The following MEIKIN variants were observed in gnomAD, a reference collection of about 807,000 sequenced individuals.
The protein encoded by MEIKIN is meiotic kinetochore factor.
At chr5:131,876,229 G>A (rs951012440) in intron 9 of MEIKIN, among the ~76,000 whole-genome samples, 1 of 151,700 alleles carries the variant, frequency 6.6e-6, no homozygotes, top group Non-Finnish European at 1.5e-5. Context: ...TGGAAGAAAA[G>A]TTTTGCAATC....
At chr5:131,881,721 C>T (rs952563351) in intron 8 of MEIKIN, among the ~76,000 whole-genome samples, 1 of 152,006 alleles carries the variant, frequency 6.6e-6, no homozygotes. Flanking sequence ...TGTATTCATC[C>T]ATGTATCTAC....
intron 8 of MEIKIN, among the ~76,000 whole-genome samples, chr5:131,884,030 C>A (rs921134297): frequency 2.0e-5 from 3 of 152,116 alleles, no homozygotes; most frequent in Middle Eastern, 3.2e-3. Flanking sequence ...TTCCAGCAAG[C>A]CTTGCCACTA....
chr5:131,890,575 T>A (rs1750892857), intron 8 of MEIKIN, among the ~76,000 whole-genome samples: 1 of 152,230 alleles, frequency 6.6e-6, no homozygotes, highest in Non-Finnish European at 1.5e-5. Flanking sequence ...TCCTTTGTCA[T>A]TTTTTATTGC....
chr5:131,874,078 A>G (rs1207893144), intron 9 of MEIKIN, among the ~76,000 whole-genome samples: 1 of 152,238 alleles, frequency 6.6e-6, no homozygotes, highest in African/African-American at 2.4e-5. Context: ...CATCACAATT[A>G]AAATAACTAG....
intron 9 of MEIKIN, among the ~76,000 whole-genome samples, chr5:131,878,475 G>A (rs1750651624): frequency 6.6e-6 from 1 of 152,104 alleles, no homozygotes; most frequent in East Asian, 1.9e-4. Flanking sequence ...GCTGAGGCAG[G>A]AGAATGGCAT....
chr5:131,849,940 A>G (rs1270708542), intron 11 of MEIKIN, among the ~76,000 whole-genome samples: 2 of 152,132 alleles, frequency 1.3e-5, no homozygotes, highest in Non-Finnish European at 2.9e-5. Context: ...GATTGAATTA[A>G]AAATTATTAG....
chr5:131,885,341 AAGAGAGAGAGAGAGAGAG>A lies in MEIKIN; in HGVS notation c.704-6311_704-6294del, dbSNP rs57363906. ...CCAGCTGCAGGCCACTCAGAACTGA[AAGAGAGAGAGAGAGAGAG>A]AGAGAGAGAGAGAGAGAGAGAGAGA... On this transcript the variant is annotated intron_variant, in intron 8 of 12. Coordinates refer to ENST00000442687, the MANE Select transcript of MEIKIN (RefSeq NM_001303622.2). Among the ~76,000 whole-genome samples the A allele has an allele frequency of 2.3e-4, 14 of 61,954 alleles. No individual in the cohort carries two copies. The South Asian group carries it at 2.7e-3, about 12-fold the overall frequency. The allele number at this position is 61,954 out of a possible 152,430, so 40.6% of individuals were successfully genotyped here.
chr5:131,881,757 T>G (rs1750705986), intron 8 of MEIKIN, among the ~76,000 whole-genome samples: 1 of 152,200 alleles, frequency 6.6e-6, no homozygotes, highest in African/African-American at 2.4e-5. Flanking sequence ...ACAAAATATT[T>G]CCAGCACCTG....
At chr5:131,849,171 T>C (rs188488474) in intron 11 of MEIKIN, among the ~76,000 whole-genome samples, 4 of 152,222 alleles carry the variant, frequency 2.6e-5, no homozygotes, top group Admixed American at 2.0e-4. Context: ...GACTGGATCA[T>C]GGGAGTGGTA....
At chr5:131,831,379 T>A (rs1156849722) in intron 11 of MEIKIN, among the ~76,000 whole-genome samples, 1 of 152,166 alleles carries the variant, frequency 6.6e-6, no homozygotes, top group African/African-American at 2.4e-5. Context: ...GTAAGACTGC[T>A]GTCTCAACAA....
At chr5:131,904,305 C>T in intron 8 of MEIKIN, among the ~76,000 whole-genome samples, 1 of 152,200 alleles carries the variant, frequency 6.6e-6, no homozygotes, top group East Asian at 1.9e-4. Context: ...TAACACAACA[C>T]TTGACCAAAT....
At chr5:131,878,957 T>C (rs1750658623) in intron 9 of MEIKIN, 21 bp downstream of exon 9, 1 of 398,460 alleles carries the variant, frequency 2.5e-6, no homozygotes, top group Non-Finnish European at 4.4e-6. Flanking sequence ...ATTTATGTAG[T>C]TATTCTGCTT....
At chr5:131,916,158 A>G (rs541503518) in intron 7 of MEIKIN, among the ~76,000 whole-genome samples, 2 of 152,338 alleles carry the variant, frequency 1.3e-5, no homozygotes, top group South Asian at 4.1e-4. Flanking sequence ...CCTCCTTAAG[A>G]AAATATTACA....
At chr5:131,932,680 C>T (rs1751709629) in intron 5 of MEIKIN, among the ~76,000 whole-genome samples, 1 of 152,168 alleles carries the variant, frequency 6.6e-6, no homozygotes, top group Non-Finnish European at 1.5e-5. Context: ...ACCACAGTAT[C>T]CCTGCTATTA....
chr5:131,929,918 T>C (rs1332670718), intron 5 of MEIKIN, among the ~76,000 whole-genome samples: 1 of 152,238 alleles, frequency 6.6e-6, no homozygotes, highest in Non-Finnish European at 1.5e-5. Context: ...ACACTTTCTT[T>C]ATCCAGTCTA....
chr5:131,888,554 GTTGT>G (rs765753286), intron 8 of MEIKIN, among the ~76,000 whole-genome samples: 703 of 151,960 alleles, frequency 4.6e-3, no homozygotes, highest in Non-Finnish European at 6.7e-3. Flanking sequence ...TTTTGATGGG[GTTGT>G]TTGTTTTTTT....
intron 8 of MEIKIN, among the ~76,000 whole-genome samples, chr5:131,886,428 A>G (rs1046181457): frequency 2.0e-5 from 3 of 152,230 alleles, no homozygotes; most frequent in Non-Finnish European, 4.4e-5. Context: ...AAAAAGAAAC[A>G]CAACATACAA....
intron 9 of MEIKIN, among the ~76,000 whole-genome samples, chr5:131,871,014 G>A (rs573833297): frequency 2.2e-4 from 33 of 152,264 alleles, no homozygotes; most frequent in Non-Finnish European, 4.0e-4. Context: ...GGTAAAAACA[G>A]AAGGAGGAGC....
At chr5:131,887,705 TTTTTA>T (rs970301086) in intron 8 of MEIKIN, among the ~76,000 whole-genome samples, 6 of 152,068 alleles carry the variant, frequency 3.9e-5, no homozygotes, top group Non-Finnish European at 5.9e-5. Context: ...ATTTGTTTTT[TTTTTA>T]TTTTATTATT....
Sources: allele counts gnomAD v4.1 joint callset (sites outside exome capture counted in the v4.1 genomes callset), GRCh38; gene constraint gnomAD v4.1.1; transcripts MANE v1.5; gene names NCBI Gene and HGNC (gene_info 2026-07-23, HGNC 2026-07-21).